MACROD2: variants seen among roughly 807,000 people sequenced by gnomAD.
MACROD2 encodes the protein ADP-ribose glycohydrolase MACROD2.
In MACROD2, 36 loss-of-function variants were observed where a neutral mutation model predicts 70.4. That is an observed-to-expected ratio of 0.51 (90% CI 0.39 to 0.68). The LOEUF (loss-of-function observed/expected upper bound fraction) is 0.68. Among genes scored for constraint, MACROD2 ranks in the 30% least tolerant of loss-of-function variants. The pLI is 0.00. For synonymous variants in MACROD2, 172 were observed against 178.8 expected (o/e 0.96, Z 0.30); for missense variants, 496 against 538.4 (o/e 0.92, Z 0.78).
chr20:15,246,702 C>G (rs964386092), intron 6 of MACROD2, among the ~76,000 whole-genome samples: 3 of 152,160 alleles, frequency 2.0e-5, no homozygotes, highest in African/African-American at 7.2e-5. Context: ...TATGATCAAA[C>G]AATTCCACTT....
chr20:15,867,635 G>C (rs1235855476), intron 9 of MACROD2, among the ~76,000 whole-genome samples: 1 of 151,700 alleles, frequency 6.6e-6, no homozygotes, highest in African/African-American at 2.4e-5. Context: ...TTCACTAGAC[G>C]TAAAAAATTA....
At position 14,322,088 on chromosome 20, in the gene MACROD2, T is replaced by C. The variant is rs147834971; in HGVS notation, c.272-171391T>C. ...CTGATTTGGAATTTAGTCTTATTAA[T>C]ATCATTTAGTTTGGGATGCATGGAA... On this transcript the variant is annotated intron_variant, in intron 3 of 17. Coordinates refer to ENST00000684519, the MANE Select transcript of MACROD2 (RefSeq NM_001351661.2). Among the ~76,000 whole-genome samples the C allele has an allele frequency of 9.6e-3, 1,420 of 148,006 alleles. 20 individuals are homozygous for C. The highest frequency in any genetic ancestry group is 0.033 in the African/African-American group (1,353 of 40,684).
At chr20:14,029,843 C>T (rs6110140) in intron 2 of MACROD2, among the ~76,000 whole-genome samples, 23,003 of 152,100 alleles carry the variant, frequency 0.15, 1,936 homozygotes, top group Admixed American at 0.22. Context: ...TGTAATTTAT[C>T]GATACTTTCT....
chr20:15,928,378 A>G (rs563795307), intron 10 of MACROD2, among the ~76,000 whole-genome samples: 33 of 152,202 alleles, frequency 2.2e-4, no homozygotes, highest in Non-Finnish European at 1.6e-4. Flanking sequence ...TTGATTCTCA[A>G]TATTTGTTGT....
intron 8 of MACROD2, among the ~76,000 whole-genome samples, chr20:15,769,894 A>C (rs2051593353): frequency 6.6e-6 from 1 of 152,070 alleles, no homozygotes; most frequent in South Asian, 2.1e-4. Flanking sequence ...TATTTTTTGT[A>C]AATTAAAAAT....
chr20:15,030,080 CAA>C (rs75395660), intron 5 of MACROD2, among the ~76,000 whole-genome samples: 31 of 77,002 alleles, frequency 4.0e-4, no homozygotes, highest in Admixed American at 7.2e-4. Context: ...ACTCCGTCTC[CAA>C]AAAAAAAAAA....
chr20:14,014,032 A>G (rs1471587532), intron 2 of MACROD2, among the ~76,000 whole-genome samples: 1 of 152,114 alleles, frequency 6.6e-6, no homozygotes, highest in East Asian at 1.9e-4. Context: ...CAAGATGGAA[A>G]ATTCTTTCTT....
chr20:15,838,479 G>T (rs2064137429), intron 8 of MACROD2, among the ~76,000 whole-genome samples: 1 of 152,168 alleles, frequency 6.6e-6, no homozygotes, highest in South Asian at 2.1e-4. Flanking sequence ...TCTGTTTTCA[G>T]ATCACTGCAA....
chr20:14,245,362 C>CA (rs11477339), intron 3 of MACROD2, among the ~76,000 whole-genome samples: 150 of 129,898 alleles, frequency 1.2e-3, no homozygotes, highest in East Asian at 6.8e-3. Context: ...GACTTCGTCT[C>CA]AAAAAAAAAA....
chr20:14,899,524 C>G (rs2073871020), intron 5 of MACROD2, among the ~76,000 whole-genome samples: 1 of 152,152 alleles, frequency 6.6e-6, no homozygotes, highest in Non-Finnish European at 1.5e-5. Context: ...CTTTCATCCT[C>G]ACATGGGGGT....
At chr20:14,210,124 G>C (rs189983257) in intron 3 of MACROD2, among the ~76,000 whole-genome samples, 129 of 152,258 alleles carry the variant, frequency 8.5e-4, no homozygotes, top group Admixed American at 1.4e-3. Context: ...CACATGTACT[G>C]AGAATCGCTA....
At chr20:14,916,629 T>A (rs1382011811) in intron 5 of MACROD2, among the ~76,000 whole-genome samples, 1 of 152,172 alleles carries the variant, frequency 6.6e-6, no homozygotes, top group African/African-American at 2.4e-5. Flanking sequence ...GCATAGATGA[T>A]AAATATGTCA....
At chr20:14,893,361 T>G (rs1455156841) in intron 5 of MACROD2, 2 of 152,122 alleles carry the variant, frequency 1.3e-5, no homozygotes, top group African/African-American at 2.4e-5. Context: ...TTAATTTTTT[T>G]GAGGAAATTT....
intron 5 of MACROD2, among the ~76,000 whole-genome samples, chr20:15,020,930 TATATGTATAC>T (rs949762117): frequency 6.6e-5 from 10 of 150,788 alleles, no homozygotes; most frequent in African/African-American, 1.2e-4. Context: ...TATACACATA[TATATGTATAC>T]ATATGTATAC....
chr20:15,878,396 G>T (rs1483837810), intron 9 of MACROD2, among the ~76,000 whole-genome samples: 1 of 152,098 alleles, frequency 6.6e-6, no homozygotes, highest in Non-Finnish European at 1.5e-5. Context: ...CACCTGGAGG[G>T]TCCTTTCCCC....
chr20:14,803,052 T>G (rs1202445108), intron 5 of MACROD2, among the ~76,000 whole-genome samples: 3 of 152,044 alleles, frequency 2.0e-5, no homozygotes, highest in African/African-American at 7.3e-5. Context: ...GCCCACCAGT[T>G]CCCACTACAG....
intron 5 of MACROD2, among the ~76,000 whole-genome samples, chr20:15,023,185 G>A (rs1250870644): frequency 2.6e-5 from 4 of 152,200 alleles, no homozygotes; most frequent in Middle Eastern, 3.4e-3. Flanking sequence ...TATTAAGAAG[G>A]CAGCTCTAGA....
At chr20:14,259,078 G>A (rs1302877855) in intron 3 of MACROD2, among the ~76,000 whole-genome samples, 1 of 152,156 alleles carries the variant, frequency 6.6e-6, no homozygotes, top group East Asian at 1.9e-4. Context: ...GAGTAGCTGG[G>A]ATTACAGCCA....
intron 3 of MACROD2, among the ~76,000 whole-genome samples, chr20:14,087,163 A>C (rs1157301695): frequency 6.6e-6 from 1 of 151,976 alleles, no homozygotes; most frequent in African/African-American, 2.4e-5. Flanking sequence ...GGGAGGTCGA[A>C]TTGGGTAGAT....
Sources: gnomAD v4.1 joint callset for allele counts (sites outside exome capture counted in the v4.1 genomes callset) on GRCh38, gnomAD v4.1.1 for gene constraint, MANE v1.5 for transcripts, NCBI Gene and HGNC (gene_info 2026-07-23, HGNC 2026-07-21) for gene names.